Variants in MKLN1 observed in about 807,000 individuals in gnomAD.
The protein encoded by MKLN1 is muskelin 1.
A neutral mutation model predicts 99.0 loss-of-function variants in MKLN1; 18 were observed. The ratio of observed to expected loss-of-function variants is 0.18; its 90% CI spans 0.13 to 0.27. The LOEUF is 0.27. MKLN1 is among the 10% of genes least tolerant of loss of function. The pLI is 1.00. For synonymous variants in MKLN1, 288 were observed against 293.2 expected, an observed-to-expected ratio of 0.98 and a Z score of 0.18; for missense variants, 621 against 875.9, an observed-to-expected ratio of 0.71 and a Z score of 3.67.
intron 3 of MKLN1, among the ~76,000 whole-genome samples, chr7:131,270,658 A>G (rs1302704533): frequency 2.0e-5 from 3 of 152,188 alleles, no homozygotes; most frequent in Non-Finnish European, 4.4e-5. Context: ...TGTTCATTCC[A>G]AAATAATTGT....
At position 131,411,388 on chromosome 7, in the gene MKLN1, G is replaced by A. The variant is rs761575411; in HGVS notation, c.781+5G>A. 17 of 1,583,910 alleles carry A rather than the reference G, an allele frequency of 1.1e-5. No individual in the cohort carries two copies. The highest frequency in any genetic ancestry group is 1.7e-5 in the Admixed American group (1 of 59,964). ...TCATTCCCAAAAGTACCAAAGGTAA[G>A]CCATACCTTCTAGATTGTAGTTCTT... On this transcript the variant is annotated splice_donor_5th_base_variant and intron_variant, in intron 7 of 17. Coordinates refer to ENST00000352689, the MANE Select transcript of MKLN1 (RefSeq NM_013255.5).
chr7:131,264,442 T>C (rs750012966), intron 3 of MKLN1, among the ~76,000 whole-genome samples: 1 of 152,192 alleles, frequency 6.6e-6, no homozygotes, highest in Non-Finnish European at 1.5e-5. Flanking sequence ...GTCTTTTAGC[T>C]ACTATACACT....
intron 8 of MKLN1, among the ~76,000 whole-genome samples, chr7:131,427,426 A>G (rs959227778): frequency 1.3e-5 from 2 of 152,234 alleles, no homozygotes; most frequent in African/African-American, 4.8e-5. Flanking sequence ...TAGAGAGTAC[A>G]TGACTTTACA....
chr7:131,160,799 G>C (rs1369541776), intron 2 of MKLN1, among the ~76,000 whole-genome samples: 1 of 151,458 alleles, frequency 6.6e-6, no homozygotes, highest in Non-Finnish European at 1.5e-5. Flanking sequence ...CAAAGTCCTG[G>C]TATTACAGGC....
At chr7:131,389,096 T>G (rs1023642289) in intron 4 of MKLN1, 124 bp downstream of exon 4, 10 of 583,226 alleles carry the variant, frequency 1.7e-5, no homozygotes, top group Non-Finnish European at 2.7e-5. Context: ...GGAATATTGC[T>G]GCGCTGGTTT....
chr7:131,475,945 T>C (rs928156349), intron 16 of MKLN1, among the ~76,000 whole-genome samples: 4 of 152,180 alleles, frequency 2.6e-5, no homozygotes, highest in Non-Finnish European at 5.9e-5. Context: ...ATTAAAAGGT[T>C]AGTGTACTAT....
At chr7:131,328,060 G>C in intron 1 of MKLN1, 63 bp downstream of exon 1, 2 of 1,565,302 alleles carry the variant, frequency 1.3e-6, no homozygotes, top group Non-Finnish European at 1.7e-6. Context: ...TTGGGCCAGG[G>C]GTGCAATGGA....
chr7:131,386,435 C>T (rs1198676492), intron 2 of MKLN1, among the ~76,000 whole-genome samples: 1 of 152,092 alleles, frequency 6.6e-6, no homozygotes, highest in Admixed American at 6.5e-5. Context: ...CTATATTATC[C>T]AATATCGTGA....
intron 3 of MKLN1, among the ~76,000 whole-genome samples, chr7:131,235,006 G>T (rs1446747632): frequency 6.6e-6 from 1 of 152,176 alleles, no homozygotes; most frequent in Non-Finnish European, 1.5e-5. Flanking sequence ...ATCGTTTAAG[G>T]AACTCAAGAA....
intron 2 of MKLN1, among the ~76,000 whole-genome samples, chr7:131,179,327 T>G (rs1475346324): frequency 2.6e-5 from 4 of 152,144 alleles, no homozygotes. Flanking sequence ...TGGTCAGCAC[T>G]TCCTAGATTC....
chr7:131,317,055 C>A (rs142959286), intron 3 of MKLN1, among the ~76,000 whole-genome samples: 54 of 152,244 alleles, frequency 3.5e-4, no homozygotes, highest in Middle Eastern at 3.4e-3. Flanking sequence ...TCCAGAACTT[C>A]CCCAACCTAG....
chr7:131,282,725 G>C (rs191372390), intron 3 of MKLN1, among the ~76,000 whole-genome samples: 47 of 152,132 alleles, frequency 3.1e-4, no homozygotes, highest in South Asian at 6.2e-4. Context: ...ATATAACCAT[G>C]GTTGGTTATC....
chr7:131,212,691 A>T (rs1465264187), intron 3 of MKLN1, among the ~76,000 whole-genome samples: 1 of 152,306 alleles, frequency 6.6e-6, no homozygotes, highest in East Asian at 1.9e-4. Flanking sequence ...TGGGAGGCCG[A>T]GGAGGGTGGA....
At chr7:131,429,826 C>T (rs915601332) in intron 9 of MKLN1, among the ~76,000 whole-genome samples, 16 of 152,160 alleles carry the variant, frequency 1.1e-4, no homozygotes, top group African/African-American at 2.2e-4. Context: ...GTGATCCACC[C>T]GCCTCGGCCT....
intron 3 of MKLN1, among the ~76,000 whole-genome samples, chr7:131,259,618 CAA>C (rs1244347637): frequency 6.6e-6 from 1 of 152,100 alleles, no homozygotes; most frequent in African/African-American, 2.4e-5. Flanking sequence ...TCAAGAGAAT[CAA>C]ATACTCATCT....
At chr7:131,320,665 T>G (rs1242624863) in intron 3 of MKLN1, among the ~76,000 whole-genome samples, 2 of 151,804 alleles carry the variant, frequency 1.3e-5, no homozygotes, top group African/African-American at 4.8e-5. Context: ...AGAGAAAAAT[T>G]TTGCAATCTA....
intron 8 of MKLN1, among the ~76,000 whole-genome samples, chr7:131,427,024 A>G (rs1476538056): frequency 6.6e-6 from 1 of 152,126 alleles, no homozygotes; most frequent in Non-Finnish European, 1.5e-5. Flanking sequence ...TATAACTTAT[A>G]TCTGAAGGAC....
chr7:131,443,361 G>A, intron 10 of MKLN1, 120 bp from the exon 11 acceptor site: 1 of 679,488 alleles, frequency 1.5e-6, no homozygotes, highest in Admixed American at 2.5e-5. Context: ...GGTATTTAGT[G>A]TCATTAGGGA....
At chr7:131,281,572 A>AT (rs1319071928) in intron 3 of MKLN1, among the ~76,000 whole-genome samples, 1 of 152,128 alleles carries the variant, frequency 6.6e-6, no homozygotes, top group Non-Finnish European at 1.5e-5. Flanking sequence ...ATAAAAAAAA[A>AT]GTTGGGATTT....
Sources: gnomAD v4.1 joint callset for allele counts (sites outside exome capture counted in the v4.1 genomes callset) on GRCh38, gnomAD v4.1.1 for gene constraint, MANE v1.5 for transcripts, NCBI Gene and HGNC (gene_info 2026-07-23, HGNC 2026-07-21) for gene names.